Variants in NSG1 observed in about 807,000 individuals in gnomAD.
NSG1 encodes the protein neuronal vesicle trafficking-associated protein 1.
A neutral mutation model predicts 19.3 loss-of-function variants in NSG1; 9 were observed. The ratio of observed to expected loss-of-function variants is 0.47; its 90% CI spans 0.28 to 0.81. NSG1 has a LOEUF of 0.81. Ranked by LOEUF, NSG1 falls within the 40% of genes least tolerant of loss-of-function variation. The pLI is 0.11. For synonymous variants in NSG1, 104 were observed against 107.0 expected, an observed-to-expected ratio of 0.97 and a Z score of 0.17; for missense variants, 236 against 242.4, an observed-to-expected ratio of 0.97 and a Z score of 0.18.
intron 3 of NSG1, among the ~76,000 whole-genome samples, chr4:4,392,408 G>T (rs993441017): frequency 6.6e-6 from 1 of 152,228 alleles, no homozygotes; most frequent in Non-Finnish European, 1.5e-5. Context: ...CTTGCAGAGT[G>T]GCCCTGTCTG....
At chr4:4,395,293 G>A (rs770749751) in intron 3 of NSG1, among the ~76,000 whole-genome samples, 4 of 152,300 alleles carry the variant, frequency 2.6e-5, no homozygotes, top group Admixed American at 6.5e-5. Context: ...AGGGAGATGC[G>A]TTTTGACAAA....
At chr4:4,409,807 G>T in intron 4 of NSG1, 124 bp downstream of exon 4, 1 of 752,670 alleles carries the variant, frequency 1.3e-6, no homozygotes. Context: ...AGAGCAGCAG[G>T]GGGCCAGTGT....
chr4:4,409,809 G>T (rs1724074111), intron 4 of NSG1, 126 bp downstream of exon 4: 1 of 746,684 alleles, frequency 1.3e-6, no homozygotes, highest in Admixed American at 2.1e-5. Context: ...AGCAGCAGGG[G>T]GCCAGTGTCA....
intron 3 of NSG1, among the ~76,000 whole-genome samples, chr4:4,392,944 C>A (rs974893722): frequency 6.6e-6 from 1 of 152,096 alleles, no homozygotes. Flanking sequence ...TTTTGAGGTT[C>A]TTGGCCAGGA....
At position 4,396,857 on chromosome 4, in the gene NSG1, G is replaced by A. The variant is rs1252273232; in HGVS notation, c.246+5266G>A. On this transcript the variant is annotated intron_variant, in intron 3 of 4. Transcript: ENST00000621129. ...GTTTCCTTGGCATTCAGCAGTGGGG[G>A]TGGGGGTTCTTCCCGTGGGGGTGGT... Among the ~76,000 whole-genome samples, 6 of 152,158 alleles carry A rather than the reference G, an allele frequency of 3.9e-5. No homozygotes were observed. In the East Asian group the frequency reaches 1.2e-3, roughly 29 times the overall value.
At chr4:4,400,797 T>C (rs1468473001) in intron 3 of NSG1, among the ~76,000 whole-genome samples, 1 of 152,248 alleles carries the variant, frequency 6.6e-6, no homozygotes, top group African/African-American at 2.4e-5. Flanking sequence ...TTATTGCTCA[T>C]GGTTCCTTTG....
chr4:4,393,308 T>C (rs902720713), intron 3 of NSG1, among the ~76,000 whole-genome samples: 1 of 152,232 alleles, frequency 6.6e-6, no homozygotes, highest in African/African-American at 2.4e-5. Context: ...CCCCGACCTC[T>C]GGTGTTCTTC....
At position 4,418,220 on chromosome 4, in the gene NSG1, T is replaced by C. The variant is rs1221582134; in HGVS notation, c.*785T>C. The C allele has an allele frequency of 1.3e-5, 2 of 152,292 alleles. No individual in the cohort carries two copies. The allele number at this position is 152,292 out of a possible 1,614,324, so 9.4% of individuals were successfully genotyped here. ...CTCCCTGCAGGTAGTCTGTCTGCTCTGTGATGTGCTGATAGGAAAGAGCCC... is the reference window on the plus strand; with the variant it reads ...CTCCCTGCAGGTAGTCTGTCTGCTCCGTGATGTGCTGATAGGAAAGAGCCC... On this transcript the variant is annotated 3_prime_UTR_variant, in exon 5 of 5. Transcript: ENST00000621129.
rs1243633293 is a variant in NSG1 at position 4,417,740 on chromosome 4, G to C, written c.*305G>C. The C allele has an allele frequency of 2.5e-6, 1 of 393,436 alleles. No individual in the cohort carries two copies. The highest frequency in any genetic ancestry group is 5.9e-5 in the East Asian group (1 of 17,014). The allele number at this position is 393,436 out of a possible 1,614,324, so 24.4% of individuals were successfully genotyped here. Reference sequence around the variant, plus strand: ...ATAAATTTACACTGGATATGCGAAGGGTTTGGATCTCAGATAAATGCATTT... The same window carrying C: ...ATAAATTTACACTGGATATGCGAAGCGTTTGGATCTCAGATAAATGCATTT... On this transcript the variant is annotated 3_prime_UTR_variant, in exon 5 of 5. Transcript: ENST00000621129.
intron 3 of NSG1, among the ~76,000 whole-genome samples, chr4:4,405,412 G>C (rs924654584): frequency 6.6e-6 from 1 of 152,128 alleles, no homozygotes; most frequent in African/African-American, 2.4e-5. Flanking sequence ...TTTTTGAGGG[G>C]CCCAGCGTGC....
intron 3 of NSG1, among the ~76,000 whole-genome samples, chr4:4,397,636 T>C (rs945247743): frequency 1.3e-5 from 2 of 152,198 alleles, no homozygotes; most frequent in African/African-American, 4.8e-5. Context: ...TGAGTGACCA[T>C]GTAACTCCTG....
intron 3 of NSG1, among the ~76,000 whole-genome samples, chr4:4,391,971 C>A (rs2108725341): frequency 6.6e-6 from 1 of 152,328 alleles, no homozygotes; most frequent in South Asian, 2.1e-4. Flanking sequence ...TGATCACATG[C>A]CAGAAAGGGG....
intron 2 of NSG1, among the ~76,000 whole-genome samples, chr4:4,389,041 C>T (rs1722873099): frequency 6.6e-6 from 1 of 152,224 alleles, no homozygotes; most frequent in African/African-American, 2.4e-5. Context: ...CGGGGCCTGG[C>T]CCCGAGGCCC....
intron 3 of NSG1, among the ~76,000 whole-genome samples, chr4:4,395,730 C>G (rs1471276763): frequency 6.6e-6 from 1 of 152,194 alleles, no homozygotes; most frequent in African/African-American, 2.4e-5. Context: ...GTGCAGCTCC[C>G]TGGCCCAGCC....
chr4:4,396,841 G>A (rs1256305562), intron 3 of NSG1, among the ~76,000 whole-genome samples: 1 of 151,892 alleles, frequency 6.6e-6, no homozygotes. Flanking sequence ...CGTTTCCTTG[G>A]CATTCAGCAG....
intron 4 of NSG1, 97 bp from the exon 5 acceptor site, chr4:4,417,138 C>A (rs916298052): frequency 3.0e-6 from 3 of 1,008,982 alleles, no homozygotes; most frequent in African/African-American, 1.6e-5. Flanking sequence ...CCTCCAAGCT[C>A]AGGGAAGGTG....
At chr4:4,416,432 T>C (rs1050262468) in intron 4 of NSG1, among the ~76,000 whole-genome samples, 1 of 152,186 alleles carries the variant, frequency 6.6e-6, no homozygotes, top group African/African-American at 2.4e-5. Flanking sequence ...GGATTCCCCA[T>C]GGGGGCTGGG....
At chr4:4,406,419 G>A (rs1167075375) in intron 3 of NSG1, among the ~76,000 whole-genome samples, 1 of 152,202 alleles carries the variant, frequency 6.6e-6, no homozygotes, top group Non-Finnish European at 1.5e-5. Flanking sequence ...AAAATGCAAA[G>A]GGTTACGAAG....
At chr4:4,393,298 C>G (rs1384873387) in intron 3 of NSG1, among the ~76,000 whole-genome samples, 3 of 152,236 alleles carry the variant, frequency 2.0e-5, no homozygotes, top group Admixed American at 1.3e-4. Context: ...CAGCCTCTGT[C>G]CCCGACCTCT....
Sources: gnomAD v4.1 joint callset for allele counts (sites outside exome capture counted in the v4.1 genomes callset) on GRCh38, gnomAD v4.1.1 for gene constraint, MANE v1.5 for transcripts, NCBI Gene and HGNC (gene_info 2026-07-23, HGNC 2026-07-21) for gene names.